Variants in PCDHGB2 observed in about 807,000 individuals in gnomAD.
The protein encoded by PCDHGB2 is protocadherin gamma-B2.
In PCDHGB2, 55 loss-of-function variants were observed where a neutral mutation model predicts 59.3. The ratio of observed to expected loss-of-function variants is 0.93; its 90% CI spans 0.75 to 1.16. PCDHGB2 has a LOEUF of 1.16. PCDHGB2 is among the 50% of genes most tolerant of loss of function. The pLI is 0.00. For synonymous variants in PCDHGB2, 516 were observed against 512.0 expected, an observed-to-expected ratio of 1.01 and a Z score of -0.11; for missense variants, 1,228 against 1,198.5, an observed-to-expected ratio of 1.02 and a Z score of -0.36.
intron 1 of PCDHGB2, among the ~76,000 whole-genome samples, chr5:141,454,918 C>T (rs1474616925): frequency 6.7e-6 from 1 of 149,344 alleles, no homozygotes; most frequent in Non-Finnish European, 1.5e-5. Context: ...CGCCATTCTC[C>T]TGCCTCAGCC....
chr5:141,366,015 T>A, intron 1 of PCDHGB2: 1 of 1,614,144 alleles, frequency 6.2e-7, no homozygotes, highest in Non-Finnish European at 8.5e-7. Flanking sequence ...ACGCCTGAGA[T>A]CCTGTACCCC....
At chr5:141,394,243 A>G (rs2092952699) in intron 1 of PCDHGB2, 2 of 1,613,844 alleles carry the variant, frequency 1.2e-6, no homozygotes, top group East Asian at 4.5e-5. Context: ...TTGACTGCAC[A>G]CGACCCCGAC....
intron 1 of PCDHGB2, among the ~76,000 whole-genome samples, chr5:141,363,429 T>A (rs1762921344): frequency 6.6e-6 from 1 of 152,366 alleles, no homozygotes; most frequent in Admixed American, 6.5e-5. Context: ...TGTCTCAACA[T>A]AGAAAGGTCA....
intron 1 of PCDHGB2, chr5:141,426,867 G>A (rs1436078091): frequency 4.4e-6 from 2 of 456,708 alleles, no homozygotes; most frequent in Non-Finnish European, 8.8e-6. Flanking sequence ...ATTAGTGCTG[G>A]AGAAGCCCCT....
At chr5:141,370,551 G>C in intron 1 of PCDHGB2, 13 of 1,613,928 alleles carry the variant, frequency 8.1e-6, no homozygotes, top group Non-Finnish European at 1.0e-5. Flanking sequence ...CCTCGCCAAG[G>C]ACCTGGGGTT....
chr5:141,430,155 A>G (rs1440666899), intron 1 of PCDHGB2, among the ~76,000 whole-genome samples: 7 of 152,184 alleles, frequency 4.6e-5, no homozygotes, highest in Admixed American at 1.3e-4. Flanking sequence ...CATTCAAGGA[A>G]TCTATTTAAA....
Position 141,431,991 on chromosome 5 carries a change from A to G in PCDHGB2, c.2422-62816A>G. 1.2e-6 allele frequency: 2 copies of G among 1,614,218 alleles called. No individual in the cohort carries two copies. The highest frequency in any genetic ancestry group is 1.7e-6 in the Non-Finnish European group (2 of 1,180,042). On this transcript the variant is annotated intron_variant, in intron 1 of 3. Transcript: ENST00000522605. The surrounding 1 kb of genome is among the most constrained non-coding windows in gnomAD (Gnocchi z 4.8). The stretch of plus-strand genomic sequence containing the variant: ...AGTTTAGTCACAGACATAGTCTTGG[A>G]TAGGGAACAGGTTCCTAGCTACAAC...
intron 1 of PCDHGB2, among the ~76,000 whole-genome samples, chr5:141,450,696 A>G (rs943551061): frequency 1.3e-5 from 2 of 152,164 alleles, no homozygotes; most frequent in East Asian, 3.9e-4. Flanking sequence ...CATGTTGCCC[A>G]GGATGGTCTC....
At chr5:141,427,570 C>A in intron 1 of PCDHGB2, 1 of 662,270 alleles carries the variant, frequency 1.5e-6, no homozygotes, top group Non-Finnish European at 2.8e-6. Flanking sequence ...GGCAAGCCTC[C>A]GCTCTCATCC....
At chr5:141,450,225 C>A (rs1294362576) in intron 1 of PCDHGB2, among the ~76,000 whole-genome samples, 1 of 151,976 alleles carries the variant, frequency 6.6e-6, no homozygotes, top group Non-Finnish European at 1.5e-5. Flanking sequence ...ACTATGTTGG[C>A]CAGGCTAGTC....
intron 3 of PCDHGB2, among the ~76,000 whole-genome samples, chr5:141,510,208 G>A (rs560746333): frequency 2.0e-5 from 3 of 151,866 alleles, no homozygotes; most frequent in Admixed American, 1.3e-4. Context: ...AGGAGGCAGA[G>A]GTTGCAGTGA....
At chr5:141,409,219 T>A in intron 1 of PCDHGB2, 1 of 1,614,022 alleles carries the variant, frequency 6.2e-7, no homozygotes, top group Non-Finnish European at 8.5e-7. Context: ...AAATCCTTGA[T>A]GAAAACGACA....
intron 1 of PCDHGB2, chr5:141,370,925 C>T (rs1292549749): frequency 1.9e-6 from 3 of 1,614,008 alleles, no homozygotes; most frequent in Non-Finnish European, 2.5e-6. Context: ...CTGATCCGCA[C>T]TTCTCTTTGA....
At position 141,490,293 on chromosome 5, in the gene PCDHGB2, ATTG is replaced by A; in HGVS notation, c.2422-4513_2422-4511del. The A allele has an allele frequency of 1.9e-6, 3 of 1,614,190 alleles. No individual in the cohort carries two copies. Among genetic ancestry groups the A allele is most frequent in the Non-Finnish European group, 2.5e-6 (3 of 1,180,028 alleles). On this transcript the variant is annotated intron_variant, in intron 1 of 3. Coordinates refer to ENST00000522605, the MANE Select transcript of PCDHGB2 (RefSeq NM_018923.3). The surrounding 1 kb of genome is among the most constrained non-coding windows in gnomAD (Gnocchi z 5.4). ...TCAATGACAATGCCCCAGAGGTGCTATTGGCCTCTTTGGCCAACCCTGTCCTAG... is the reference window on the plus strand; with the variant it reads ...TCAATGACAATGCCCCAGAGGTGCTAGCCTCTTTGGCCAACCCTGTCCTAG...
rs1328871348 is a variant in PCDHGB2 at position 141,361,436 on chromosome 5, C to T, written c.1301C>T (p.Ser434Phe). ...GACGGGGGCAAGCCGCCCCTCTCCTCCAGCATAATTGTCACCCTGCACATC... is the reference window on the plus strand; with the variant it reads ...GACGGGGGCAAGCCGCCCCTCTCCTTCAGCATAATTGTCACCCTGCACATC... ...ATDGGKPPLSSSIIVTLHISD... is the reference protein window; with the variant it reads ...ATDGGKPPLSFSIIVTLHISD... Residue 434 changes from serine to phenylalanine, a missense_variant, in exon 1 of 4, where the codon TCC (serine) becomes TTC (phenylalanine). Physicochemically the swap from Ser to Phe is radical, Grantham distance 155 (BLOSUM62 -2). Around this residue, in one of 3 missense-constraint regions of PCDHGB2, gnomAD observed 781 missense variants for 721.6 expected, o/e 1.08. Transcript: ENST00000522605. 5 of 1,613,930 alleles carry T rather than the reference C, an allele frequency of 3.1e-6. No individual in the cohort carries two copies. In the South Asian group the frequency reaches 5.5e-5, roughly 18 times the overall value.
At chr5:141,450,932 C>G (rs868373954) in intron 1 of PCDHGB2, among the ~76,000 whole-genome samples, 1 of 151,134 alleles carries the variant, frequency 6.6e-6, no homozygotes, top group Admixed American at 6.6e-5. Context: ...TCAAGCAATT[C>G]TCCTACCTCA....
chr5:141,459,581 G>A (rs945690319), intron 1 of PCDHGB2, among the ~76,000 whole-genome samples: 1 of 152,138 alleles, frequency 6.6e-6, no homozygotes, highest in Non-Finnish European at 1.5e-5. Flanking sequence ...AATTGTTTTG[G>A]GGGTCATATG....
At chr5:141,370,420 G>T (rs1766894267) in intron 1 of PCDHGB2, 2 of 1,580,404 alleles carry the variant, frequency 1.3e-6, no homozygotes, top group Non-Finnish European at 1.7e-6. Flanking sequence ...GGATGGAGGG[G>T]CCCAGCAGGG....
intron 1 of PCDHGB2, among the ~76,000 whole-genome samples, chr5:141,473,785 A>G (rs1240342191): frequency 6.6e-6 from 1 of 152,226 alleles, no homozygotes; most frequent in Non-Finnish European, 1.5e-5. Context: ...TTAATTCAAG[A>G]GCAGTATGAT....
Sources: allele counts gnomAD v4.1 joint callset (sites outside exome capture counted in the v4.1 genomes callset), GRCh38; gene constraint gnomAD v4.1.1; regional missense constraint gnomAD v4.1.1; non-coding constraint Gnocchi (gnomAD v3.1); transcripts MANE v1.5; gene names NCBI Gene and HGNC (gene_info 2026-07-23, HGNC 2026-07-21).